The following PAK5 variants were observed in gnomAD, a reference collection of about 807,000 sequenced individuals.
PAK5 encodes the protein p21 (RAC1) activated kinase 5.
Under a neutral mutation model 65.9 loss-of-function variants are expected in PAK5, and 16 were observed. That is an observed-to-expected ratio of 0.24 (90% CI 0.16 to 0.37). The LOEUF (loss-of-function observed/expected upper bound fraction) is 0.37. PAK5 is among the 10% of genes least tolerant of loss of function. PAK5 has a pLI of 1.00. For missense variants in PAK5, 785 were observed against 903.9 expected, an observed-to-expected ratio of 0.87 and a Z score of 1.69; for synonymous variants, 371 against 354.9, an observed-to-expected ratio of 1.05 and a Z score of -0.51.
At chr20:9,604,742 C>T (rs917437714) in intron 3 of PAK5, among the ~76,000 whole-genome samples, 2 of 152,212 alleles carry the variant, frequency 1.3e-5, no homozygotes, top group African/African-American at 4.8e-5. Context: ...TTTCTCCTCC[C>T]TCTTTAGACA....
intron 3 of PAK5, among the ~76,000 whole-genome samples, chr20:9,626,409 A>G (rs2046844064): frequency 6.6e-6 from 1 of 152,244 alleles, no homozygotes; most frequent in Non-Finnish European, 1.5e-5. Context: ...TTTGAAGGCA[A>G]CAACGATATT....
chr20:9,666,694 CAAAAA>C (rs1445295073), intron 2 of PAK5, among the ~76,000 whole-genome samples: 5 of 152,002 alleles, frequency 3.3e-5, no homozygotes, highest in African/African-American at 9.7e-5. Context: ...CAAAACAAAA[CAAAAA>C]AACAAATAGC....
intron 1 of PAK5, among the ~76,000 whole-genome samples, chr20:9,725,150 G>T (rs1395938293): frequency 6.6e-6 from 1 of 152,116 alleles, no homozygotes; most frequent in Non-Finnish European, 1.5e-5. Context: ...AACACTAGAT[G>T]TATGTGCCTG....
chr20:9,800,148 C>T (rs957269551), intron 1 of PAK5, among the ~76,000 whole-genome samples: 2 of 151,900 alleles, frequency 1.3e-5, no homozygotes, highest in Non-Finnish European at 2.9e-5. Flanking sequence ...GCTTCTTAGC[C>T]AAGGTTGAAT....
chr20:9,783,170 C>T (rs8125886), intron 1 of PAK5, among the ~76,000 whole-genome samples: 41,861 of 151,754 alleles, frequency 0.28, 6,070 homozygotes, highest in Middle Eastern at 0.49. Flanking sequence ...TCCCGACCTC[C>T]GGTGATGCAC....
intron 9 of PAK5, among the ~76,000 whole-genome samples, chr20:9,539,904 AC>A (rs2045232883): frequency 6.6e-6 from 1 of 152,226 alleles, no homozygotes; most frequent in East Asian, 1.9e-4. Flanking sequence ...AGCAGCTATT[AC>A]AAAATATTTA....
At chr20:9,784,569 G>A (rs767826712) in intron 1 of PAK5, 2 of 152,094 alleles carry the variant, frequency 1.3e-5, no homozygotes, top group Non-Finnish European at 2.9e-5. Context: ...AGGACAAGAA[G>A]CCAAGATAGA....
At chr20:9,586,806 C>T (rs1049468971) in intron 3 of PAK5, among the ~76,000 whole-genome samples, 5 of 151,628 alleles carry the variant, frequency 3.3e-5, no homozygotes, top group African/African-American at 7.3e-5. Context: ...CCAGGTATCC[C>T]GAGAAAAATA....
At chr20:9,776,015 G>A (rs1374795313) in intron 1 of PAK5, among the ~76,000 whole-genome samples, 1 of 152,204 alleles carries the variant, frequency 6.6e-6, no homozygotes, top group Non-Finnish European at 1.5e-5. Flanking sequence ...AAGAAATAGT[G>A]ATTCTTGAAA....
chr20:9,627,473 A>G (rs1206429105), intron 3 of PAK5, among the ~76,000 whole-genome samples: 1 of 152,116 alleles, frequency 6.6e-6, no homozygotes, highest in East Asian at 1.9e-4. Flanking sequence ...CTCCTGCTTC[A>G]TGGTAGGAGC....
At chr20:9,798,400 A>G (rs2049130456) in intron 1 of PAK5, among the ~76,000 whole-genome samples, 1 of 152,154 alleles carries the variant, frequency 6.6e-6, no homozygotes, top group Non-Finnish European at 1.5e-5. Context: ...ACTGTACAGG[A>G]TTCAAAGTAC....
intron 1 of PAK5, among the ~76,000 whole-genome samples, chr20:9,793,583 C>A (rs2123721562): frequency 6.6e-6 from 1 of 152,114 alleles, no homozygotes; most frequent in Non-Finnish European, 1.5e-5. Flanking sequence ...AAAAAAAACT[C>A]ATCATCACTG....
chr20:9,653,800 G>A (rs2047231476), intron 2 of PAK5, among the ~76,000 whole-genome samples: 2 of 152,078 alleles, frequency 1.3e-5, no homozygotes, highest in South Asian at 4.1e-4. Flanking sequence ...AAAAATCAAG[G>A]CATTGGCAGG....
At chr20:9,824,329 G>T (rs6141050) in intron 1 of PAK5, among the ~76,000 whole-genome samples, 1 of 152,158 alleles carries the variant, frequency 6.6e-6, no homozygotes, top group East Asian at 1.9e-4. Context: ...CAAGGCAGGA[G>T]GATTGTTTAA....
At chr20:9,737,975 T>C (rs1456389107) in intron 1 of PAK5, among the ~76,000 whole-genome samples, 1 of 152,038 alleles carries the variant, frequency 6.6e-6, no homozygotes, top group African/African-American at 2.4e-5. Flanking sequence ...ACCCCATCTT[T>C]ACTAAAAATA....
At chr20:9,721,122 T>C (rs1006392335) in intron 1 of PAK5, among the ~76,000 whole-genome samples, 3 of 152,186 alleles carry the variant, frequency 2.0e-5, no homozygotes, top group African/African-American at 7.2e-5. Context: ...TCGATAAATA[T>C]GCAAAATAAA....
rs144997856 is a variant in PAK5 at position 9,580,720 on chromosome 20, C to A, written c.415G>T (p.Ala139Ser). ...CTGTACTTTTCGGTCGTGTAGTCAG[C>A]AGTAGTATCGGATTCGCTGGAATAC... ...SQYSSESDTTADYTTEKYREK... is the reference protein window; with the variant it reads ...SQYSSESDTTSDYTTEKYREK... Residue 139 changes from alanine (A) to serine (S), a missense_variant, in exon 4 of 10, where the codon GCT becomes TCT. By Grantham distance (99) the Ala-to-Ser change is moderately conservative. Coordinates refer to ENST00000353224, the MANE Select transcript of PAK5 (RefSeq NM_177990.4). 1.7e-5 allele frequency: 27 copies of A among 1,613,822 alleles called. No homozygotes were observed. Among genetic ancestry groups the A allele is most frequent in the Non-Finnish European group, 2.1e-5 (25 of 1,179,954 alleles).
intron 1 of PAK5, among the ~76,000 whole-genome samples, chr20:9,824,389 T>TA (rs1276404731): frequency 7.2e-5 from 11 of 151,856 alleles, no homozygotes; most frequent in Admixed American, 2.0e-4. Context: ...CCCTGCCTCT[T>TA]AAAAAAAAAT....
chr20:9,837,408 A>G (rs1281165751), intron 1 of PAK5, among the ~76,000 whole-genome samples: 1 of 152,236 alleles, frequency 6.6e-6, no homozygotes, highest in Non-Finnish European at 1.5e-5. Context: ...TCCAAACTTC[A>G]TATGCTAAGA....
Sources: gnomAD v4.1 joint callset for allele counts (sites outside exome capture counted in the v4.1 genomes callset) on GRCh38, gnomAD v4.1.1 for gene constraint, MANE v1.5 for transcripts, NCBI Gene and HGNC (gene_info 2026-07-23, HGNC 2026-07-21) for gene names.